The following PLD5 variants were observed in gnomAD, a reference collection of about 807,000 sequenced individuals.
The protein encoded by PLD5 is inactive phospholipase D5.
In PLD5, 36 loss-of-function variants were observed where a neutral mutation model predicts 61.1. The observed-to-expected ratio is 0.59, with a 90% confidence interval of 0.45 to 0.78. The LOEUF (loss-of-function observed/expected upper bound fraction) is 0.78. Ranked by LOEUF, PLD5 falls within the 30% of genes least tolerant of loss-of-function variation. PLD5 has a pLI of 0.00. For synonymous variants in PLD5, 243 were observed against 242.8 expected (o/e 1.00, Z -0.01); for missense variants, 515 against 644.4 (o/e 0.80, Z 2.17).
At chr1:242,326,766 G>T (rs574599494) in intron 2 of PLD5, among the ~76,000 whole-genome samples, 1 of 152,118 alleles carries the variant, frequency 6.6e-6, no homozygotes, top group African/African-American at 2.4e-5. Context: ...GAGTGCAGTG[G>T]CATGATCACA....
intron 1 of PLD5, among the ~76,000 whole-genome samples, chr1:242,393,534 G>A (rs1663093605): frequency 1.1e-5 from 1 of 89,876 alleles, no homozygotes; most frequent in Non-Finnish European, 2.0e-5. Flanking sequence ...GTATATATGT[G>A]AGTATATATA....
At chr1:242,197,655 G>A (rs1463669478) in intron 5 of PLD5, among the ~76,000 whole-genome samples, 4 of 143,442 alleles carry the variant, frequency 2.8e-5, no homozygotes, top group Non-Finnish European at 4.5e-5. Context: ...TTTTTTCTGA[G>A]ACGGAGCCTT....
intron 2 of PLD5, among the ~76,000 whole-genome samples, chr1:242,295,478 T>C (rs1675603535): frequency 6.6e-6 from 1 of 152,230 alleles, no homozygotes; most frequent in South Asian, 2.1e-4. Flanking sequence ...GATTTCACTC[T>C]TTTTTATGGC....
At chr1:242,403,979 C>T (rs896627656) in intron 1 of PLD5, among the ~76,000 whole-genome samples, 3 of 152,172 alleles carry the variant, frequency 2.0e-5, no homozygotes. Flanking sequence ...CCTCACTTGG[C>T]TTCGGAAAAA....
At chr1:242,275,916 A>T (rs1674386435) in intron 3 of PLD5, among the ~76,000 whole-genome samples, 1 of 152,228 alleles carries the variant, frequency 6.6e-6, no homozygotes, top group Admixed American at 6.5e-5. Flanking sequence ...AGTGAAGGAC[A>T]CAATCACGTT....
chr1:242,261,370 T>C (rs1673363162), intron 4 of PLD5, among the ~76,000 whole-genome samples: 1 of 152,148 alleles, frequency 6.6e-6, no homozygotes, highest in African/African-American at 2.4e-5. Context: ...TAACACAGAC[T>C]TAAATCTGAA....
chr1:242,200,245 C>A (rs141210142), intron 5 of PLD5, among the ~76,000 whole-genome samples: 22 of 152,274 alleles, frequency 1.4e-4, no homozygotes, highest in African/African-American at 4.8e-4. Flanking sequence ...AAAATGCCTG[C>A]GTTGATTTCA....
intron 4 of PLD5, among the ~76,000 whole-genome samples, chr1:242,242,188 G>A (rs1020559635): frequency 2.0e-5 from 3 of 151,856 alleles, no homozygotes; most frequent in Non-Finnish European, 4.4e-5. Context: ...AAGAGTGAAC[G>A]AGTTAGTTGA....
At chr1:242,321,849 T>A (rs1411707548) in intron 2 of PLD5, among the ~76,000 whole-genome samples, 1 of 152,222 alleles carries the variant, frequency 6.6e-6, no homozygotes, top group Non-Finnish European at 1.5e-5. Context: ...ACTTGACTTT[T>A]AAATAATCCT....
At chr1:242,173,972 C>T (rs1034974365) in intron 5 of PLD5, among the ~76,000 whole-genome samples, 6 of 152,260 alleles carry the variant, frequency 3.9e-5, no homozygotes, top group African/African-American at 7.2e-5. Context: ...TAATACCATT[C>T]GGGACATAGG....
At chr1:242,405,213 T>A (rs1664168350) in intron 1 of PLD5, among the ~76,000 whole-genome samples, 1 of 152,272 alleles carries the variant, frequency 6.6e-6, no homozygotes, top group South Asian at 2.1e-4. Context: ...TATTCTCCCA[T>A]GAACAGCCTC....
chr1:242,330,318 CTTGT>C (rs1156633875), intron 2 of PLD5, among the ~76,000 whole-genome samples: 1 of 152,168 alleles, frequency 6.6e-6, no homozygotes, highest in African/African-American at 2.4e-5. Flanking sequence ...TGGTCACAAT[CTTGT>C]TTGTGTCTCC....
At chr1:242,145,290 G>A (rs1664467882) in intron 5 of PLD5, among the ~76,000 whole-genome samples, 2 of 152,218 alleles carry the variant, frequency 1.3e-5, no homozygotes, top group Admixed American at 1.3e-4. Context: ...GTCACTTCAA[G>A]AGTAGACAGT....
intron 5 of PLD5, among the ~76,000 whole-genome samples, chr1:242,148,744 C>G (rs998685077): frequency 2.0e-5 from 3 of 151,722 alleles, no homozygotes; most frequent in South Asian, 2.1e-4. Flanking sequence ...GTAAATAATA[C>G]TGTCTTTTAA....
chr1:242,182,356 G>A (rs1394027963), intron 5 of PLD5, among the ~76,000 whole-genome samples: 1 of 136,828 alleles, frequency 7.3e-6, no homozygotes, highest in African/African-American at 2.8e-5. Context: ...CGCCAAATTG[G>A]TGTGAGTTTT....
At chr1:242,495,708 C>T (rs1668348333) in intron 1 of PLD5, among the ~76,000 whole-genome samples, 1 of 152,162 alleles carries the variant, frequency 6.6e-6, no homozygotes, top group Non-Finnish European at 1.5e-5. Context: ...AGTTTGATTT[C>T]TAATCTCTAA....
chr1:242,482,529 A>T (rs1022545342), intron 1 of PLD5, among the ~76,000 whole-genome samples: 23 of 152,302 alleles, frequency 1.5e-4, no homozygotes, highest in African/African-American at 5.5e-4. Flanking sequence ...AAAGAAACAA[A>T]CAAAGCCTCC....
At chr1:242,127,706 A>G (rs562480131) in intron 5 of PLD5, among the ~76,000 whole-genome samples, 20 of 152,262 alleles carry the variant, frequency 1.3e-4, no homozygotes, top group East Asian at 7.7e-4. Context: ...ATTGGGTTCA[A>G]TGTACACTGC....
intron 1 of PLD5, among the ~76,000 whole-genome samples, chr1:242,353,699 T>C (rs1660599020): frequency 6.6e-6 from 1 of 152,158 alleles, no homozygotes; most frequent in Non-Finnish European, 1.5e-5. Flanking sequence ...GTTCCTTAGG[T>C]ATTTTGAATA....
Sources: gnomAD v4.1 joint callset for allele counts (sites outside exome capture counted in the v4.1 genomes callset) on GRCh38, gnomAD v4.1.1 for gene constraint, MANE v1.5 for transcripts, NCBI Gene and HGNC (gene_info 2026-07-23, HGNC 2026-07-21) for gene names.